TOX4: variants seen among roughly 807,000 people sequenced by gnomAD.
TOX4 encodes the protein epidermal Langerhans cell protein LCP1.
TOX4 carries 12 observed loss-of-function variants against 61.0 expected under a neutral mutation model. That is an observed-to-expected ratio of 0.20 (90% CI 0.13 to 0.32). The LOEUF (loss-of-function observed/expected upper bound fraction) is 0.32. Among genes scored for constraint, TOX4 ranks in the 10% least tolerant of loss-of-function variants. The pLI, the probability that TOX4 is intolerant of heterozygous loss-of-function variation, is 1.00. For synonymous variants in TOX4, 268 were observed against 274.8 expected, an observed-to-expected ratio of 0.98 and a Z score of 0.24; for missense variants, 499 against 753.3, an observed-to-expected ratio of 0.66 and a Z score of 3.95.
intron 3 of TOX4, 94 bp downstream of exon 3, chr14:21,487,787 A>G (rs1891214077): frequency 1.4e-6 from 2 of 1,385,990 alleles, no homozygotes; most frequent in Admixed American, 2.8e-5. Flanking sequence ...CTTGGGTATT[A>G]CTTGTTTCTC....
chr14:21,489,644 T>C (rs61973223), intron 5 of TOX4, among the ~76,000 whole-genome samples: 40,430 of 151,672 alleles, frequency 0.27, 5,540 homozygotes, highest in Middle Eastern at 0.33. Context: ...AGTGCCGTGA[T>C]CTCAGCTCAC....
At chr14:21,494,796 G>A (rs145197112) in intron 7 of TOX4, among the ~76,000 whole-genome samples, 1,986 of 151,630 alleles carry the variant, frequency 0.013, 21 homozygotes, top group Non-Finnish European at 0.021. Context: ...ATGGGCGCCT[G>A]TAATCCCAGC....
chr14:21,482,577 T>A, intron 2 of TOX4: 1 of 470,048 alleles, frequency 2.1e-6, no homozygotes, highest in South Asian at 1.6e-5. Context: ...GGCCCAGGAA[T>A]TGAACAAAGG....
At chr14:21,482,930 C>T (rs912529429) in intron 2 of TOX4, among the ~76,000 whole-genome samples, 1 of 151,894 alleles carries the variant, frequency 6.6e-6, no homozygotes, top group African/African-American at 2.4e-5. Context: ...AGAAATAAAA[C>T]AGAACCCAGA....
intron 2 of TOX4, among the ~76,000 whole-genome samples, chr14:21,481,288 C>T (rs966905432): frequency 2.0e-5 from 3 of 152,102 alleles, no homozygotes; most frequent in African/African-American, 4.8e-5. Flanking sequence ...AAGCAACTCT[C>T]GTGCATCAAC....
chr14:21,493,263 C>A lies in TOX4; in HGVS notation c.1641+6C>A. 2 of 1,593,136 alleles carry A rather than the reference C, an allele frequency of 1.3e-6. No individual in the cohort carries two copies. Among genetic ancestry groups the A allele is most frequent in the Non-Finnish European group, 1.7e-6 (2 of 1,171,238 alleles). ...TCACAGATGTAGTTCCTGAGGTGAGCCTTTGTTTTTAAGTCTTTAGTCTAG... is the reference window on the plus strand; with the variant it reads ...TCACAGATGTAGTTCCTGAGGTGAGACTTTGTTTTTAAGTCTTTAGTCTAG... On this transcript the variant is annotated splice_donor_region_variant and intron_variant, in intron 7 of 8. Transcript: ENST00000448790.
At chr14:21,477,471 C>T (rs1294073762) in intron 1 of TOX4, 25 bp from the exon 2 acceptor site, 5 of 1,612,978 alleles carry the variant, frequency 3.1e-6, no homozygotes, top group Non-Finnish European at 3.4e-6. Context: ...CTAACTTATC[C>T]CCGCGACTTT....
chr14:21,495,615 A>C (rs1402029554), intron 8 of TOX4: 2 of 435,134 alleles, frequency 4.6e-6, no homozygotes, highest in Non-Finnish European at 8.3e-6. Flanking sequence ...GTTACCACAT[A>C]CCTCTCTTAT....
chr14:21,482,857 C>CTT (rs11424576), intron 2 of TOX4, among the ~76,000 whole-genome samples: 8 of 150,662 alleles, frequency 5.3e-5, no homozygotes, highest in East Asian at 1.9e-4. Context: ...TTACCCTATC[C>CTT]TTTTTTTTTA....
intron 1 of TOX4, 44 bp from the exon 2 acceptor site, chr14:21,477,452 C>T (rs963947871): frequency 5.0e-6 from 8 of 1,612,086 alleles, no homozygotes; most frequent in South Asian, 1.1e-5. Context: ...AGCTGACTCC[C>T]TGCTCCCCCT....
intron 8 of TOX4, 151 bp downstream of exon 8, chr14:21,495,543 C>T (rs1183083137): frequency 3.6e-6 from 3 of 836,464 alleles, no homozygotes; most frequent in Non-Finnish European, 5.3e-6. Context: ...AGCTCCCCTG[C>T]TTAAGAGCTT....
chr14:21,491,855 C>A (rs1262611732), intron 5 of TOX4, among the ~76,000 whole-genome samples: 1 of 150,574 alleles, frequency 6.6e-6, no homozygotes, highest in Admixed American at 6.6e-5. Context: ...ACTAAAAATA[C>A]AAAAAATTAG....
rs367768081 is a variant in TOX4, at chr14:21,488,172, A to G, written c.319-418A>G. ...ACATCGAACCAGTAAGCACATCTTC[A>G]TACTCTATATTTGATGCCAGACTTT... On this transcript the variant is annotated intron_variant, in intron 3 of 8. Coordinates refer to ENST00000448790, the MANE Select transcript of TOX4 (RefSeq NM_014828.4). 2.2e-4 allele frequency: 41 copies of G among 185,128 alleles called. 1 individual carries two copies. The East Asian group carries it at 4.4e-3, about 20-fold the overall frequency. The allele number at this position is 185,128 out of a possible 1,614,324, so 11.5% of individuals were successfully genotyped here. A position where few individuals can be genotyped will look rare whatever the true frequency, so the allele number is the denominator to read the frequency against.
intron 5 of TOX4, among the ~76,000 whole-genome samples, chr14:21,491,628 G>A (rs1891292467): frequency 1.3e-5 from 2 of 151,424 alleles, no homozygotes; most frequent in South Asian, 4.2e-4. Context: ...CTCCCAAAGT[G>A]CTGGGATTAC....
chr14:21,499,116 G>A lies in TOX4; in HGVS notation c.*2510G>A. 7 of 1,614,010 alleles carry A rather than the reference G, an allele frequency of 4.3e-6. No individual in the cohort carries two copies. The highest frequency in any genetic ancestry group is 5.9e-6 in the Non-Finnish European group (7 of 1,179,914). ...TCAATCATGCCATAGATTTCATCTG[G>A]TTTATGACTGGTGGAACGAACCTAG... On this transcript the variant is annotated 3_prime_UTR_variant, in exon 9 of 9. Transcript: ENST00000448790.
Position 21,498,496 on chromosome 14 carries a change from T to C in TOX4, c.*1890T>C. On this transcript the variant is annotated 3_prime_UTR_variant, in exon 9 of 9. Coordinates refer to ENST00000448790, the MANE Select transcript of TOX4 (RefSeq NM_014828.4). ...CAAATATGCCAATTCTAAAAAGAGC[T>C]TAACATTAGAATAGTATATGGTAGA... The C allele has an allele frequency of 1.2e-6, 1 of 840,742 alleles. No homozygotes were observed. The highest frequency in any genetic ancestry group is 1.7e-5 in the South Asian group (1 of 59,058). The allele number at this position is 840,742 out of a possible 1,614,324, so 52.1% of individuals were successfully genotyped here. A position where few individuals can be genotyped will look rare whatever the true frequency, so the allele number is the denominator to read the frequency against.
Position 21,490,546 on chromosome 14 carries a change from C to T in TOX4, c.810+1143C>T, listed in dbSNP as rs370826615. On this transcript the variant is annotated intron_variant, in intron 5 of 8. Coordinates refer to ENST00000448790, the MANE Select transcript of TOX4 (RefSeq NM_014828.4). ...ACTCTCAAAAATAGCTACCATTTCC[C>T]GCTTTTAAGGTGGAAACTGGAGCCC... 2.8e-3 allele frequency among the ~76,000 whole-genome samples: 424 copies of T among 152,248 alleles called. 3 individuals carry two copies. Among genetic ancestry groups the T allele is most frequent in the African/African-American group, 8.1e-3 (336 of 41,538 alleles).
In TOX4 at chr14:21,484,329, CTTTTTTTTTTTTTTTTTTTTTTTT is replaced by C. The variant is rs533570141; in HGVS notation, c.76-3108_76-3085del. Among the ~76,000 whole-genome samples, 32 of 44,236 alleles carry C rather than the reference CTTTTTTTTTTTTTTTTTTTTTTTT, an allele frequency of 7.2e-4. 1 individual carries two copies. Among genetic ancestry groups the C allele is most frequent in the South Asian group, 3.5e-3 (3 of 846 alleles). The allele number at this position is 44,236 out of a possible 152,430, so 29.0% of individuals were successfully genotyped here. A position where few individuals can be genotyped will look rare whatever the true frequency, so the allele number is the denominator to read the frequency against. ...CTGGAAATTTTCTTTCTAGCAATGT[CTTTTTTTTTTTTTTTTTTTTTTTT>C]TTTTTTTTTTTTTGAGACAGAGTCT... is the stretch of plus-strand genomic sequence containing the variant. On this transcript the variant is annotated intron_variant, in intron 2 of 8. Transcript: ENST00000448790.
At chr14:21,480,849 G>A (rs996829957) in intron 2 of TOX4, among the ~76,000 whole-genome samples, 3 of 152,176 alleles carry the variant, frequency 2.0e-5, no homozygotes, top group Non-Finnish European at 2.9e-5. Flanking sequence ...CCAGCACTTT[G>A]GGAGGCTGAG....
Sources: allele counts gnomAD v4.1 joint callset (sites outside exome capture counted in the v4.1 genomes callset), GRCh38; gene constraint gnomAD v4.1.1; transcripts MANE v1.5; gene names NCBI Gene and HGNC (gene_info 2026-07-23, HGNC 2026-07-21).